The following BNC2 variants were observed in gnomAD, a reference collection of about 807,000 sequenced individuals.
The protein encoded by BNC2 is basonuclin zinc finger protein 2.
BNC2 carries 20 observed loss-of-function variants against 76.3 expected under a neutral mutation model. The ratio of observed to expected loss-of-function variants is 0.26; its 90% confidence interval spans 0.18 to 0.38. The LOEUF is 0.38. Among genes scored for constraint, BNC2 ranks in the 10% least tolerant of loss-of-function variants. BNC2 has a pLI of 1.00. For synonymous variants in BNC2, 582 were observed against 514.8 expected, an observed-to-expected ratio of 1.13 and a Z score of -1.77; for missense variants, 1,382 against 1,399.8, an observed-to-expected ratio of 0.99 and a Z score of 0.20.
intron 5 of BNC2, among the ~76,000 whole-genome samples, chr9:16,511,912 A>AAC (rs1157359776): frequency 2.0e-5 from 3 of 152,222 alleles, no homozygotes; most frequent in Non-Finnish European, 4.4e-5. Context: ...AATACATTAA[A>AAC]ACATTCATTT....
chr9:16,826,480 A>T lies in BNC2; in HGVS notation c.3+44166T>A, dbSNP rs375875443. On this transcript the variant is annotated intron_variant, in intron 1 of 6. Transcript: ENST00000380672. ...GGTCCACTATTTATTTAGCTCTCAC[A>T]TGCAGGAAAACTGTCTGGCACTCTT... 8.5e-5 allele frequency among the ~76,000 whole-genome samples: 13 copies of T among 152,248 alleles called. No individual in the cohort carries two copies. In the East Asian group the frequency reaches 1.9e-3, roughly 23 times the overall value.
At chr9:16,842,621 A>C (rs1818861465) in intron 1 of BNC2, among the ~76,000 whole-genome samples, 1 of 152,160 alleles carries the variant, frequency 6.6e-6, no homozygotes, top group African/African-American at 2.4e-5. Context: ...GAAAATGGTG[A>C]ATTTTATCTC....
chr9:16,770,707 A>T (rs1382160679), intron 1 of BNC2, among the ~76,000 whole-genome samples: 1 of 151,968 alleles, frequency 6.6e-6, no homozygotes, highest in Non-Finnish European at 1.5e-5. Context: ...TCTACAAAAA[A>T]TACAAAAATT....
intron 1 of BNC2, among the ~76,000 whole-genome samples, chr9:16,861,362 A>AAAAT (rs892556913): frequency 2.6e-5 from 4 of 151,844 alleles, no homozygotes; most frequent in Admixed American, 6.6e-5. Context: ...TGTCTCTTTA[A>AAAAT]AAATAAATAA....
chr9:16,851,071 G>C (rs1030627605), intron 1 of BNC2, among the ~76,000 whole-genome samples: 3 of 151,698 alleles, frequency 2.0e-5, no homozygotes, highest in Admixed American at 6.6e-5. Context: ...ATTTGTAACT[G>C]CTTATTTGTG....
At chr9:16,506,513 C>CTTTTTTTTTTTTTTTTTTTTTTTT (rs568955982) in intron 5 of BNC2, among the ~76,000 whole-genome samples, 1 of 43,314 alleles carries the variant, frequency 2.3e-5, no homozygotes, top group African/African-American at 8.1e-5. Flanking sequence ...TCTCTCTCCT[C>CTTTTTTTTTTTTTTTTTTTTTTTT]TTTTTTTTTT....
chr9:16,727,443 C>A (rs1046901256), intron 3 of BNC2: 4 of 241,552 alleles, frequency 1.7e-5, no homozygotes, highest in Non-Finnish European at 3.2e-5. Context: ...CGAAGTGATT[C>A]ATATTGATAG....
intron 3 of BNC2, among the ~76,000 whole-genome samples, chr9:16,629,744 A>T (rs1431077311): frequency 6.6e-6 from 1 of 151,768 alleles, no homozygotes; most frequent in East Asian, 1.9e-4. Flanking sequence ...CATTATGTCT[A>T]AAAAAAACAG....
intron 3 of BNC2, among the ~76,000 whole-genome samples, chr9:16,601,060 C>T (rs1010537608): frequency 2.6e-5 from 4 of 152,164 alleles, no homozygotes; most frequent in Admixed American, 6.5e-5. Context: ...AGATTTATCA[C>T]GTGCTGCGAA....
At chr9:16,824,606 C>G (rs951485015) in intron 1 of BNC2, among the ~76,000 whole-genome samples, 2 of 152,110 alleles carry the variant, frequency 1.3e-5, no homozygotes, top group African/African-American at 4.8e-5. Context: ...CCAGGCACCT[C>G]GAACCAATGC....
intron 5 of BNC2, among the ~76,000 whole-genome samples, chr9:16,507,124 C>T (rs936949792): frequency 3.3e-5 from 5 of 152,154 alleles, no homozygotes; most frequent in African/African-American, 1.2e-4. Context: ...AAAACTTCTA[C>T]AGCACTTTAT....
At chr9:16,703,507 T>C (rs562545460) in intron 3 of BNC2, among the ~76,000 whole-genome samples, 146 of 151,766 alleles carry the variant, frequency 9.6e-4, no homozygotes, top group African/African-American at 3.0e-3. Context: ...GAAAAAAATA[T>C]CTAATGAATT....
intron 5 of BNC2, among the ~76,000 whole-genome samples, chr9:16,482,564 A>C: frequency 6.6e-6 from 1 of 152,202 alleles, no homozygotes; most frequent in East Asian, 1.9e-4. Flanking sequence ...GCAGACACTG[A>C]TTCTAAGACT....
intron 5 of BNC2, among the ~76,000 whole-genome samples, chr9:16,483,342 G>A (rs1822098493): frequency 1.3e-5 from 2 of 151,886 alleles, no homozygotes. Context: ...TTATTTCATT[G>A]CTCTCAAATT....
At chr9:16,655,829 G>C (rs906101334) in intron 3 of BNC2, among the ~76,000 whole-genome samples, 1 of 152,158 alleles carries the variant, frequency 6.6e-6, no homozygotes, top group Non-Finnish European at 1.5e-5. Context: ...CGACTGTCCT[G>C]GCATGCACAG....
At chr9:16,756,567 C>T (rs1825388756) in intron 1 of BNC2, among the ~76,000 whole-genome samples, 1 of 152,202 alleles carries the variant, frequency 6.6e-6, no homozygotes, top group South Asian at 2.1e-4. Context: ...TCTCTGCCAA[C>T]CTAACCATCT....
At chr9:16,856,442 T>G (rs1336277584) in intron 1 of BNC2, among the ~76,000 whole-genome samples, 1 of 152,286 alleles carries the variant, frequency 6.6e-6, no homozygotes, top group East Asian at 1.9e-4. Context: ...AAAATATTTC[T>G]TATTTATTTT....
chr9:16,737,076 G>C (rs1824694002), intron 2 of BNC2, among the ~76,000 whole-genome samples: 1 of 151,890 alleles, frequency 6.6e-6, no homozygotes, highest in Non-Finnish European at 1.5e-5. Context: ...AAAGTGCTGG[G>C]ATTACAGGCG....
Position 16,550,769 on chromosome 9 carries a change from A to G in BNC2, c.669+1761T>C, listed in dbSNP as rs114949022. On this transcript the variant is annotated intron_variant, in intron 5 of 6. Transcript: ENST00000380672. ...AAGCAGCATAGTGGAGGTAATAAAGATGGTACCAGATTGGGGCAAAACACT... is the reference window on the plus strand; with the variant it reads ...AAGCAGCATAGTGGAGGTAATAAAGGTGGTACCAGATTGGGGCAAAACACT... Among the ~76,000 whole-genome samples the G allele has an allele frequency of 2.9e-3, 445 of 152,338 alleles. 5 individuals are homozygous for G. The highest frequency in any genetic ancestry group is 0.01 in the African/African-American group (430 of 41,564).
Sources: allele counts gnomAD v4.1 joint callset (sites outside exome capture counted in the v4.1 genomes callset), GRCh38; gene constraint gnomAD v4.1.1; transcripts MANE v1.5; gene names NCBI Gene and HGNC (gene_info 2026-07-23, HGNC 2026-07-21).